Variants in DBF4B observed in about 807,000 individuals in gnomAD.
DBF4B encodes the protein protein DBF4 homolog B.
In DBF4B, 49 loss-of-function variants were observed where a neutral mutation model predicts 53.4. That is an observed-to-expected ratio of 0.92 (90% CI 0.73 to 1.16). The LOEUF is 1.16. Among genes scored for constraint, DBF4B ranks in the 50% most tolerant of loss-of-function variants. DBF4B has a pLI of 0.00. For synonymous variants in DBF4B, 257 were observed against 288.7 expected, an observed-to-expected ratio of 0.89 and a Z score of 1.11; for missense variants, 692 against 775.0, an observed-to-expected ratio of 0.89 and a Z score of 1.27.
intron 10 of DBF4B, among the ~76,000 whole-genome samples, chr17:44,745,575 G>A (rs931953766): frequency 2.0e-5 from 3 of 152,192 alleles, no homozygotes; most frequent in African/African-American, 7.2e-5. Context: ...CACATCTCAT[G>A]AGAACTGTCA....
chr17:44,738,452 C>T, intron 9 of DBF4B, 28 bp downstream of exon 9: 2 of 1,611,382 alleles, frequency 1.2e-6, no homozygotes, highest in Non-Finnish European at 1.7e-6. Flanking sequence ...TCTCTGCTTG[C>T]CCCAGCTAGG....
intron 10 of DBF4B, among the ~76,000 whole-genome samples, chr17:44,743,843 C>T (rs1396393349): frequency 6.6e-6 from 1 of 151,250 alleles, no homozygotes; most frequent in African/African-American, 2.4e-5. Flanking sequence ...CTCCTGACCT[C>T]GTGATCCACC....
chr17:44,734,035 G>C (rs1975103506), intron 6 of DBF4B, 55 bp from the exon 7 acceptor site: 1 of 1,473,110 alleles, frequency 6.8e-7, no homozygotes, highest in South Asian at 1.1e-5. Flanking sequence ...AAGGGGCTGT[G>C]CTAGGTAAGT....
chr17:44,713,714 G>GT (rs71136040), intron 2 of DBF4B, among the ~76,000 whole-genome samples: 1 of 151,810 alleles, frequency 6.6e-6, no homozygotes, highest in Non-Finnish European at 1.5e-5. Context: ...GATTTTCTTT[G>GT]TTTTTTTATG....
At chr17:44,734,922 G>A (rs1490024272) in intron 7 of DBF4B, among the ~76,000 whole-genome samples, 1 of 152,162 alleles carries the variant, frequency 6.6e-6, no homozygotes, top group African/African-American at 2.4e-5. Flanking sequence ...TGGCCAGTGT[G>A]GTGAAACCCC....
In DBF4B at chr17:44,732,226, A is replaced by G. The variant is rs745867171; in HGVS notation, c.517A>G (p.Asn173Asp). Residue 173 changes from asparagine to aspartate, a missense_variant, in exon 6 of 14, where the codon AAT becomes GAT. Asn to Asp is a conservative substitution (Grantham distance 23). Around this residue, in one of 3 missense-constraint regions of DBF4B, gnomAD observed 597 missense variants for 665.8 expected, o/e 0.90. Coordinates refer to ENST00000315005, the MANE Select transcript of DBF4B (RefSeq NM_145663.3). Reference protein sequence around the residue: ...GSGGSSSLLTNARSWGVRILH... With the variant: ...GSGGSSSLLTDARSWGVRILH... ...TGGGGGCAGCAGCAGCCTCCTGACCAATGCCCGCTCTTGGGGAGTGAGGAT... is the reference window on the plus strand; with the variant it reads ...TGGGGGCAGCAGCAGCCTCCTGACCGATGCCCGCTCTTGGGGAGTGAGGAT... 4 of 1,614,120 alleles carry G rather than the reference A, an allele frequency of 2.5e-6. No individual in the cohort carries two copies. The South Asian group carries it at 4.4e-5, about 18-fold the overall frequency.
intron 2 of DBF4B, among the ~76,000 whole-genome samples, chr17:44,710,417 A>AT (rs890510696): frequency 1.3e-5 from 2 of 151,550 alleles, no homozygotes; most frequent in South Asian, 2.1e-4. Context: ...ATTTAAGTCA[A>AT]TTTTTTTTCC....
intron 2 of DBF4B, among the ~76,000 whole-genome samples, chr17:44,710,028 G>C (rs908410536): frequency 4.0e-5 from 6 of 151,720 alleles, no homozygotes; most frequent in African/African-American, 7.3e-5. Flanking sequence ...AAAAAATTAG[G>C]CGGGCGTGGT....
At chr17:44,742,442 G>T (rs1252799776) in intron 10 of DBF4B, among the ~76,000 whole-genome samples, 2 of 151,000 alleles carry the variant, frequency 1.3e-5, no homozygotes, top group Non-Finnish European at 2.9e-5. Context: ...TTAGTCAAGC[G>T]TGATGACAAG....
At chr17:44,736,118 A>T (rs551172828) in intron 7 of DBF4B, among the ~76,000 whole-genome samples, 2 of 150,600 alleles carry the variant, frequency 1.3e-5, no homozygotes, top group South Asian at 4.2e-4. Context: ...AGTAGCTAGG[A>T]CTACGGGCAT....
chr17:44,725,684 C>CTTCTTTTTTTTT (rs777349094), intron 3 of DBF4B, among the ~76,000 whole-genome samples: 3 of 87,646 alleles, frequency 3.4e-5, no homozygotes, highest in Admixed American at 1.1e-4. Flanking sequence ...TTTTGTGCTT[C>CTTCTTTTTTTTT]TTTTTTTTTT....
At chr17:44,734,291 A>G in intron 7 of DBF4B, 128 bp downstream of exon 7, 1 of 1,156,606 alleles carries the variant, frequency 8.6e-7, no homozygotes, top group Non-Finnish European at 1.3e-6. Flanking sequence ...AGAGGAATGC[A>G]GCCTCTTATT....
chr17:44,710,050 G>GT (rs1333705543), intron 2 of DBF4B, among the ~76,000 whole-genome samples: 1 of 151,988 alleles, frequency 6.6e-6, no homozygotes, highest in Non-Finnish European at 1.5e-5. Flanking sequence ...AGGCGTGCCT[G>GT]TAGTCCCAGC....
At chr17:44,709,240 C>T (rs1972641707) in intron 1 of DBF4B, 64 bp from the exon 2 acceptor site, 8 of 1,598,608 alleles carry the variant, frequency 5.0e-6, no homozygotes, top group Middle Eastern at 1.7e-4. Flanking sequence ...CAGTAGTGGG[C>T]GGGAGGCATG....
intron 8 of DBF4B, among the ~76,000 whole-genome samples, chr17:44,737,435 T>C (rs974642003): frequency 2.0e-5 from 3 of 152,144 alleles, no homozygotes; most frequent in Admixed American, 1.3e-4. Context: ...TGTAGGGGAA[T>C]TGATTTTAAT....
chr17:44,751,663 T>C lies in DBF4B; in HGVS notation c.*410T>C, dbSNP rs1314940443. On this transcript the variant is annotated 3_prime_UTR_variant, in exon 14 of 14. Coordinates refer to ENST00000315005, the MANE Select transcript of DBF4B (RefSeq NM_145663.3). ...CAAATACTTGAAGGCTCCCACCTTC[T>C]GTTCTCTGGCTCCTTCCTGCGGTCT... The C allele has an allele frequency of 2.9e-6, 4 of 1,394,964 alleles. No homozygotes were observed. The highest frequency in any genetic ancestry group is 3.7e-6 in the Non-Finnish European group (4 of 1,076,166). The allele number at this position is 1,394,964 out of a possible 1,614,324, so 86.4% of individuals were successfully genotyped here. A position where few individuals can be genotyped will look rare whatever the true frequency, so the allele number is the denominator to read the frequency against.
At chr17:44,750,103 G>A (rs1352064387) in intron 13 of DBF4B, 3 of 995,812 alleles carry the variant, frequency 3.0e-6, no homozygotes, top group Non-Finnish European at 3.6e-6. Context: ...AAGTTCGGCT[G>A]TTCCGGGGCC....
chr17:44,747,645 T>C lies in DBF4B; in HGVS notation c.1064+130T>C, dbSNP rs561955416. On this transcript the variant is annotated intron_variant, in intron 12 of 13. Transcript: ENST00000315005. ...GTTTTCCTCTTTTCTCACCTTCCTT[T>C]CCCCTTATCCTCAGTCCTGTTTGTT... The C allele has an allele frequency of 6.3e-6, 8 of 1,260,932 alleles. No homozygotes were observed. The African/African-American group carries it at 9.0e-5, about 14-fold the overall frequency. 78.1% of individuals were successfully genotyped at this position (1,260,932 alleles called of 1,614,324 possible).
At chr17:44,717,816 A>T (rs575591062) in intron 2 of DBF4B, among the ~76,000 whole-genome samples, 1 of 151,126 alleles carries the variant, frequency 6.6e-6, no homozygotes, top group South Asian at 2.1e-4. Context: ...GGAGTTCAAG[A>T]CCAGAATGGG....
Sources: allele counts gnomAD v4.1 joint callset (sites outside exome capture counted in the v4.1 genomes callset), GRCh38; gene constraint gnomAD v4.1.1; regional missense constraint gnomAD v4.1.1; transcripts MANE v1.5; gene names NCBI Gene and HGNC (gene_info 2026-07-23, HGNC 2026-07-21).